The following PDE9A variants were observed in gnomAD, a reference collection of about 807,000 sequenced individuals.
The protein encoded by PDE9A is high affinity cGMP-specific 3',5'-cyclic phosphodiesterase 9A.
PDE9A carries 60 observed loss-of-function variants against 87.4 expected under a neutral mutation model. The ratio of observed to expected loss-of-function variants is 0.69; its 90% CI spans 0.56 to 0.85. The LOEUF (loss-of-function observed/expected upper bound fraction) is 0.85. Ranked by LOEUF, PDE9A falls within the 40% of genes least tolerant of loss-of-function variation. PDE9A has a pLI of 0.00. For synonymous variants in PDE9A, 272 were observed against 279.4 expected (o/e 0.97, Z 0.27); for missense variants, 665 against 779.0 (o/e 0.85, Z 1.74).
intron 19 of PDE9A, among the ~76,000 whole-genome samples, chr21:42,773,369 TTA>T (rs1405379129): frequency 6.6e-6 from 1 of 152,210 alleles, no homozygotes; most frequent in Non-Finnish European, 1.5e-5. Context: ...TAAGTACTTT[TTA>T]AAAGTGCAAT....
intron 4 of PDE9A, among the ~76,000 whole-genome samples, chr21:42,712,857 G>A (rs1308051251): frequency 2.6e-5 from 4 of 152,140 alleles, no homozygotes; most frequent in African/African-American, 9.7e-5. Context: ...TTTTGTTCCA[G>A]TACCTTTCTG....
intron 1 of PDE9A, among the ~76,000 whole-genome samples, chr21:42,679,816 G>A (rs1340162012): frequency 6.6e-6 from 1 of 152,196 alleles, no homozygotes; most frequent in African/African-American, 2.4e-5. Context: ...AGAGGCCCTG[G>A]GCATGGGTTT....
intron 6 of PDE9A, among the ~76,000 whole-genome samples, chr21:42,732,345 G>C (rs1276083415): frequency 6.6e-6 from 1 of 152,250 alleles, no homozygotes; most frequent in Non-Finnish European, 1.5e-5. Context: ...AGACCATGTT[G>C]AGTGGGTGCA....
chr21:42,725,334 G>T (rs538593658), intron 4 of PDE9A, among the ~76,000 whole-genome samples: 2 of 152,194 alleles, frequency 1.3e-5, no homozygotes, highest in East Asian at 3.9e-4. Context: ...CCGCCTCCAG[G>T]GTTCAAGCGA....
At position 42,760,012 on chromosome 21, in the gene PDE9A, C is replaced by T. The variant is rs2055533113; in HGVS notation, c.898-316C>T. Among the ~76,000 whole-genome samples the T allele has an allele frequency of 6.6e-6, 1 of 152,020 alleles. No homozygotes were observed. Among genetic ancestry groups the T allele is most frequent in the Non-Finnish European group, 1.5e-5 (1 of 67,990 alleles). On this transcript the variant is annotated intron_variant, in intron 11 of 19. Transcript: ENST00000291539. The surrounding 1 kb of genome is among the most constrained non-coding windows in gnomAD (Gnocchi z 5.2). ...TCTTGGAGTCTCCCCTCCCCCCATC[C>T]CCTAACTTTATGCCCCACTGTGGCT...
At chr21:42,731,987 A>C in intron 5 of PDE9A, 38 bp downstream of exon 5, 3 of 1,612,190 alleles carry the variant, frequency 1.9e-6, no homozygotes, top group Non-Finnish European at 2.5e-6. Flanking sequence ...TCCACCCCCC[A>C]ACACGTGGGA....
At chr21:42,748,050 G>T (rs534102833) in intron 8 of PDE9A, among the ~76,000 whole-genome samples, 45 of 152,178 alleles carry the variant, frequency 3.0e-4, no homozygotes, top group Non-Finnish European at 5.3e-4. Flanking sequence ...CCCAGCTCTG[G>T]TATCTGCAAG....
At chr21:42,701,610 A>G (rs2048392762) in intron 4 of PDE9A, among the ~76,000 whole-genome samples, 1 of 151,580 alleles carries the variant, frequency 6.6e-6, no homozygotes, top group Non-Finnish European at 1.5e-5. Flanking sequence ...CGAATTTTTT[A>G]AGTTTTTATA....
chr21:42,736,555 C>T (rs1227936970), intron 7 of PDE9A, among the ~76,000 whole-genome samples: 6 of 152,176 alleles, frequency 3.9e-5, no homozygotes, highest in South Asian at 2.1e-4. Flanking sequence ...AAATTCCTGG[C>T]GCTTCTATGG....
rs183211978 is a variant in PDE9A at position 42,709,512 on chromosome 21, C to T, written c.262+10501C>T. ...CATGTAACCGCCACCACAATCAAGA[C>T]AGAGGACATTTCCATCACCCTAGAA... is the stretch of plus-strand genomic sequence containing the variant. On this transcript the variant is annotated intron_variant, in intron 4 of 19. Transcript: ENST00000291539. 2.6e-5 allele frequency among the ~76,000 whole-genome samples: 4 copies of T among 152,328 alleles called. No homozygotes were observed. The East Asian group carries it at 7.7e-4, about 29-fold the overall frequency.
intron 1 of PDE9A, among the ~76,000 whole-genome samples, chr21:42,681,377 G>A (rs1221675575): frequency 1.3e-5 from 2 of 152,210 alleles, no homozygotes; most frequent in Non-Finnish European, 2.9e-5. Flanking sequence ...AAGCATGTGC[G>A]GTCCGCAGCC....
intron 1 of PDE9A, among the ~76,000 whole-genome samples, chr21:42,663,762 C>T (rs969994338): frequency 6.6e-6 from 1 of 152,212 alleles, no homozygotes. Flanking sequence ...ACACTCCACA[C>T]TGAGGCCCCA....
At chr21:42,749,288 C>T (rs563747555) in intron 8 of PDE9A, among the ~76,000 whole-genome samples, 1 of 152,294 alleles carries the variant, frequency 6.6e-6, no homozygotes. Context: ...TCCCTGAGTG[C>T]CCCCATAGCC....
chr21:42,757,438 G>A (rs1206598161), intron 10 of PDE9A: 5 of 152,246 alleles, frequency 3.3e-5, no homozygotes, highest in African/African-American at 9.7e-5. Context: ...GCATTTCCAG[G>A]TTTCACACAC....
At chr21:42,670,141 ACACACACATTCACACG>A (rs903910679) in intron 1 of PDE9A, among the ~76,000 whole-genome samples, 72 of 141,894 alleles carry the variant, frequency 5.1e-4, no homozygotes, top group South Asian at 2.0e-3. Context: ...ACACATGCTT[ACACACACATTCACACG>A]CACACACATT....
chr21:42,706,323 GAT>G (rs1420437262), intron 4 of PDE9A, among the ~76,000 whole-genome samples: 2 of 152,196 alleles, frequency 1.3e-5, no homozygotes, highest in African/African-American at 4.8e-5. Context: ...AGATGTCATT[GAT>G]ATAACATAAA....
intron 1 of PDE9A, among the ~76,000 whole-genome samples, chr21:42,684,104 C>A (rs145246052): frequency 6.6e-6 from 1 of 152,334 alleles, no homozygotes; most frequent in Non-Finnish European, 1.5e-5. Context: ...TAGGGCCCAA[C>A]CCGGACCCAC....
chr21:42,760,491 C>T lies in PDE9A; in HGVS notation c.1002+59C>T, dbSNP rs953360156. 3 of 1,080,618 alleles carry T rather than the reference C, an allele frequency of 2.8e-6. No individual in the cohort carries two copies. In the African/African-American group the frequency reaches 4.7e-5, roughly 17 times the overall value. The allele number at this position is 1,080,618 out of a possible 1,614,324, so 66.9% of individuals were successfully genotyped here. On this transcript the variant is annotated intron_variant, in intron 12 of 19. Coordinates refer to ENST00000291539, the MANE Select transcript of PDE9A (RefSeq NM_002606.3). This position sits in a 1 kb window ranked among gnomAD's most constrained non-coding sequence, Gnocchi z 5.2. ...CTCTCGGGGGTCAGACGGAGGCCCC[C>T]TTCCAGGGAGCGGCAGCCCCATCCC...
At chr21:42,678,773 G>T (rs529761713) in intron 1 of PDE9A, among the ~76,000 whole-genome samples, 2 of 152,370 alleles carry the variant, frequency 1.3e-5, no homozygotes, top group African/African-American at 4.8e-5. Flanking sequence ...ACCTCCCGGG[G>T]GAAATAGGTG....
Sources: allele counts gnomAD v4.1 joint callset (sites outside exome capture counted in the v4.1 genomes callset), GRCh38; gene constraint gnomAD v4.1.1; non-coding constraint Gnocchi (gnomAD v3.1); transcripts MANE v1.5; gene names NCBI Gene and HGNC (gene_info 2026-07-23, HGNC 2026-07-21).